PLEKHG5: variants seen among roughly 807,000 people sequenced by gnomAD.
PLEKHG5 encodes the protein pleckstrin homology and RhoGEF domain containing G5, also known as pleckstrin homology domain-containing family G member 5.
In PLEKHG5, 52 loss-of-function variants were observed where a neutral mutation model predicts 103.8. That is an observed-to-expected ratio of 0.50 (90% confidence interval 0.40 to 0.63). PLEKHG5 has a LOEUF of 0.63. PLEKHG5 is among the 30% of genes least tolerant of loss of function. The pLI, the probability that PLEKHG5 is intolerant of heterozygous loss-of-function variation, is 0.00. For synonymous variants in PLEKHG5, 592 were observed against 575.5 expected (o/e 1.03, Z -0.41); for missense variants, 1,205 against 1,347.6 (o/e 0.89, Z 1.66).
At chr1:6,478,977 A>G (rs916580950) in intron 1 of PLEKHG5, among the ~76,000 whole-genome samples, 2 of 152,110 alleles carry the variant, frequency 1.3e-5, no homozygotes, top group African/African-American at 4.8e-5. Context: ...ACCAAAAATT[A>G]TAAGAATAGC....
At chr1:6,510,665 A>G (rs933652076) in intron 1 of PLEKHG5, among the ~76,000 whole-genome samples, 6 of 152,326 alleles carry the variant, frequency 3.9e-5, no homozygotes, top group Non-Finnish European at 5.9e-5. Flanking sequence ...CCTGATAGTG[A>G]CCCTGGGGGC....
intron 1 of PLEKHG5, among the ~76,000 whole-genome samples, chr1:6,484,760 C>T (rs1427477931): frequency 6.6e-6 from 1 of 152,046 alleles, no homozygotes; most frequent in African/African-American, 2.4e-5. Flanking sequence ...CACCAGGGTC[C>T]GGGGGGGAAT....
At chr1:6,471,915 G>A (rs1004074840) in intron 10 of PLEKHG5, 107 bp from the exon 11 acceptor site, 143 of 1,146,626 alleles carry the variant, frequency 1.2e-4, no homozygotes, top group Non-Finnish European at 1.7e-4. Context: ...CCCGTTCCAG[G>A]AGGCCCCACA....
At chr1:6,496,741 C>G, upstream of PLEKHG5, 1 of 563,994 alleles carries the variant, frequency 1.8e-6, no homozygotes. Context: ...AATCCGTTTG[C>G]AGAGCCCTTT....
In PLEKHG5 at chr1:6,488,391, T is replaced by G. The variant is rs539385870; in HGVS notation, c.-88+3246A>C. 4.8e-4 allele frequency among the ~76,000 whole-genome samples: 73 copies of G among 152,262 alleles called. No individual in the cohort carries two copies. The Middle Eastern group carries it at 0.014, about 28-fold the overall frequency. On this transcript the variant is annotated intron_variant, in intron 1 of 20. Coordinates refer to ENST00000377728, the MANE Select transcript of PLEKHG5 (RefSeq NM_020631.6). Reference sequence around the variant, plus strand: ...GGGCCTGAAGACAGCTGAATGTTGGTTTGGGCAACAGGGCCCTGGAGATTG... The same window carrying G: ...GGGCCTGAAGACAGCTGAATGTTGGGTTGGGCAACAGGGCCCTGGAGATTG...
In PLEKHG5 at chr1:6,467,429, C is replaced by T. The variant is rs1481155584; in HGVS notation, c.*134G>A. 9 of 959,558 alleles carry T rather than the reference C, an allele frequency of 9.4e-6. No individual in the cohort carries two copies. The highest frequency in any genetic ancestry group is 2.3e-4 in the Middle Eastern group (1 of 4,356). The allele number at this position is 959,558 out of a possible 1,614,324, so 59.4% of individuals were successfully genotyped here. A position where few individuals can be genotyped will look rare whatever the true frequency, so the allele number is the denominator to read the frequency against. ...CGGCAAAGCGCAAATCGGGCCCGGG[C>T]GTAGGCAGGGATCCTGCCCAGCATC... On this transcript the variant is annotated 3_prime_UTR_variant, in exon 21 of 21. Coordinates refer to ENST00000377728, the MANE Select transcript of PLEKHG5 (RefSeq NM_020631.6).
Position 6,469,201 on chromosome 1 carries a change from C to T in PLEKHG5, c.2090G>A (p.Ser697Asn). 6.2e-7 allele frequency: 1 copy of T among 1,612,906 alleles called. No individual in the cohort carries two copies. Among genetic ancestry groups the T allele is most frequent in the Non-Finnish European group, 8.5e-7 (1 of 1,179,858 alleles). ...TTCCAGGCTCTGCAGGGGCTGCTGACTGCCTGGGGGCTCCTGTGCACGCAG... is the reference window on the plus strand; with the variant it reads ...TTCCAGGCTCTGCAGGGGCTGCTGATTGCCTGGGGGCTCCTGTGCACGCAG... ...QQLRAQEPPGSQQPLQSLEEE... is the reference protein window; with the variant it reads ...QQLRAQEPPGNQQPLQSLEEE... Residue 697 changes from serine to asparagine, a missense_variant, in exon 19 of 21, where the codon AGT (serine) becomes AAT (asparagine). Physicochemically the swap from Ser to Asn is conservative, Grantham distance 46. Coordinates refer to ENST00000377728, the MANE Select transcript of PLEKHG5 (RefSeq NM_020631.6).
In PLEKHG5 at chr1:6,474,445, T is replaced by G. The variant is rs1265974549; in HGVS notation, c.439+6A>C. 2 of 1,613,722 alleles carry G rather than the reference T, an allele frequency of 1.2e-6. No homozygotes were observed. Among genetic ancestry groups the G allele is most frequent in the South Asian group, 2.2e-5 (2 of 91,070 alleles). ...GCGGCCCCATTTGGCCCAGGCTGCT[T>G]CTCACCTTTGACACGAAGGTAGTGT... is the stretch of plus-strand genomic sequence containing the variant. On this transcript the variant is annotated splice_donor_region_variant and intron_variant, in intron 6 of 20. Transcript: ENST00000377728.
At chr1:6,480,157 A>G (rs966983827) in intron 1 of PLEKHG5, among the ~76,000 whole-genome samples, 6 of 152,106 alleles carry the variant, frequency 3.9e-5, no homozygotes, top group African/African-American at 1.4e-4. Context: ...CTTGTTCCCC[A>G]GTAATCTCAC....
At chr1:6,518,157 C>G (rs930967310) in intron 1 of PLEKHG5, among the ~76,000 whole-genome samples, 1 of 151,392 alleles carries the variant, frequency 6.6e-6, no homozygotes, top group South Asian at 2.1e-4. Flanking sequence ...TGGTCTTGAT[C>G]TCCTGACCTT....
chr1:6,498,951 T>C (rs2148629447), upstream of PLEKHG5, among the ~76,000 whole-genome samples: 1 of 152,266 alleles, frequency 6.6e-6, no homozygotes, highest in South Asian at 2.1e-4. Flanking sequence ...GGAGTGGGGT[T>C]CGGGGCTTTT....
In PLEKHG5 at chr1:6,486,366, AT is replaced by A. The variant is rs1645037957; in HGVS notation, c.-88+5270del. Among the ~76,000 whole-genome samples the A allele has an allele frequency of 6.6e-6, 1 of 151,648 alleles. No individual in the cohort carries two copies. Among genetic ancestry groups the A allele is most frequent in the South Asian group, 2.1e-4 (1 of 4,802 alleles). On this transcript the variant is annotated intron_variant, in intron 1 of 20. Coordinates refer to ENST00000377728, the MANE Select transcript of PLEKHG5 (RefSeq NM_020631.6). This position sits in a 1 kb window ranked among gnomAD's most constrained non-coding sequence, Gnocchi z 5.3. ...CACCCCAACCTCACAACCAGCTCTC[AT>A]CTCAGCCCCTCCCATCAACCTGGAG...
At chr1:6,492,406 T>A (rs528465424), upstream of PLEKHG5, among the ~76,000 whole-genome samples, 53 of 152,176 alleles carry the variant, frequency 3.5e-4, no homozygotes, top group South Asian at 6.2e-4. Context: ...CGTGGCCACC[T>A]CACAGGAGGG....
At chr1:6,485,853 G>GC (rs1206404105) in intron 1 of PLEKHG5, 1 of 987,626 alleles carries the variant, frequency 1.0e-6, no homozygotes, top group East Asian at 1.1e-4. Context: ...CCTCTGCGCG[G>GC]CCCCGGGCCC....
At chr1:6,473,976 T>TAA in intron 7 of PLEKHG5, 37 bp downstream of exon 7, 1 of 1,265,560 alleles carries the variant, frequency 7.9e-7, no homozygotes, top group Non-Finnish European at 1.1e-6. Context: ...CTGGGCCCCT[T>TAA]CCCACCCCCT....
intron 1 of PLEKHG5, among the ~76,000 whole-genome samples, chr1:6,508,756 A>G (rs548837037): frequency 1.3e-5 from 2 of 152,328 alleles, no homozygotes; most frequent in African/African-American, 4.8e-5. Flanking sequence ...GCCCAATGCC[A>G]TACTGAGCAA....
chr1:6,519,486 C>T (rs772028136), exon 1 of PLEKHG5: 2 of 1,614,006 alleles, frequency 1.2e-6, no homozygotes, highest in Admixed American at 1.7e-5. Context: ...AGGTGGAGAC[C>T]CATGTTTTGT....
At chr1:6,516,914 A>C (rs1323661613) in intron 1 of PLEKHG5, among the ~76,000 whole-genome samples, 2 of 139,160 alleles carry the variant, frequency 1.4e-5, no homozygotes, top group African/African-American at 5.6e-5. Flanking sequence ...ATACACACAC[A>C]CACACACACA....
chr1:6,484,221 A>G (rs1480730948), intron 1 of PLEKHG5, among the ~76,000 whole-genome samples: 1 of 152,068 alleles, frequency 6.6e-6, no homozygotes. Context: ...CCTATGACGC[A>G]CCCCACCCTG....
Sources: gnomAD v4.1 joint callset for allele counts (sites outside exome capture counted in the v4.1 genomes callset) on GRCh38, gnomAD v4.1.1 for gene constraint, Gnocchi (gnomAD v3.1) non-coding constraint, MANE v1.5 for transcripts, NCBI Gene and HGNC (gene_info 2026-07-23, HGNC 2026-07-21) for gene names.